Variants in ATRN observed in about 807,000 individuals in gnomAD.
ATRN encodes attractin-2.
In ATRN, 54 loss-of-function variants were observed where a neutral mutation model predicts 178.7. That is an observed-to-expected ratio of 0.30 (90% CI 0.24 to 0.38). The LOEUF is 0.38. Among genes scored for constraint, ATRN ranks in the 10% least tolerant of loss-of-function variants. The pLI is 1.00. For synonymous variants in ATRN, 636 were observed against 663.0 expected, an observed-to-expected ratio of 0.96 and a Z score of 0.63; for missense variants, 1,443 against 1,815.1, an observed-to-expected ratio of 0.79 and a Z score of 3.73.
In ATRN at chr20:3,547,690, T is replaced by C. The variant is rs115881364; in HGVS notation, c.943+201T>C. Reference sequence around the variant, plus strand: ...TGTGTGGTCATGGTCTTTAGAATTATGGAGGGTTGGCCATTTTTTGCATCC... The same window carrying C: ...TGTGTGGTCATGGTCTTTAGAATTACGGAGGGTTGGCCATTTTTTGCATCC... On this transcript the variant is annotated intron_variant, in intron 5 of 28. Transcript: ENST00000262919. Among the ~76,000 whole-genome samples, 774 of 152,286 alleles carry C rather than the reference T, an allele frequency of 5.1e-3. 4 individuals carry two copies. The highest frequency in any genetic ancestry group is 0.017 in the African/African-American group (723 of 41,554).
At chr20:3,492,873 A>ATGCG (rs1491263836) in intron 1 of ATRN, among the ~76,000 whole-genome samples, 3 of 121,790 alleles carry the variant, frequency 2.5e-5, no homozygotes, top group Non-Finnish European at 3.5e-5. Context: ...GCGCGTGCGC[A>ATGCG]CGCACACACA....
chr20:3,591,752 A>G (rs1018896746), intron 19 of ATRN, among the ~76,000 whole-genome samples: 3 of 152,162 alleles, frequency 2.0e-5, no homozygotes, highest in African/African-American at 7.2e-5. Context: ...GGACTGGGAA[A>G]GTCCTGGGTT....
chr20:3,584,932 G>A, intron 18 of ATRN, 52 bp downstream of exon 18: 1 of 1,541,554 alleles, frequency 6.5e-7, no homozygotes. Flanking sequence ...GATTTATGAA[G>A]AATAAAACCT....
intron 6 of ATRN, among the ~76,000 whole-genome samples, chr20:3,553,262 C>G (rs536716993): frequency 4.3e-4 from 65 of 151,916 alleles, no homozygotes; most frequent in African/African-American, 1.4e-3. Flanking sequence ...GTGATTTTAC[C>G]CTAACATCCT....
intron 1 of ATRN, among the ~76,000 whole-genome samples, chr20:3,532,312 G>A (rs1340976097): frequency 6.6e-6 from 1 of 152,184 alleles, no homozygotes; most frequent in Non-Finnish European, 1.5e-5. Flanking sequence ...CACACACACG[G>A]AATAAAACAA....
chr20:3,540,734 G>A (rs1001216794), intron 3 of ATRN, among the ~76,000 whole-genome samples: 1 of 152,086 alleles, frequency 6.6e-6, no homozygotes, highest in Admixed American at 6.6e-5. Context: ...CACTGCATAG[G>A]CCTTCAGGAG....
intron 28 of ATRN, 21 bp from the exon 29 acceptor site, chr20:3,646,702 T>C (rs761281315): frequency 6.3e-6 from 10 of 1,579,900 alleles, no homozygotes; most frequent in Non-Finnish European, 8.6e-6. Context: ...CAGCATATGT[T>C]CTCTCTGTGG....
chr20:3,489,608 T>A, intron 1 of ATRN: 1 of 1,473,988 alleles, frequency 6.8e-7, no homozygotes, highest in South Asian at 1.1e-5. Flanking sequence ...ATATTCTTCC[T>A]CCAGTGTCAG....
At chr20:3,600,833 A>G in intron 22 of ATRN, 113 bp from the exon 23 acceptor site, 4 of 1,011,048 alleles carry the variant, frequency 4.0e-6, no homozygotes, top group Non-Finnish European at 5.8e-6. Context: ...TTCTCTAAAG[A>G]CATCATAAAA....
chr20:3,513,120 C>T (rs1038498054), intron 1 of ATRN, among the ~76,000 whole-genome samples: 1 of 152,098 alleles, frequency 6.6e-6, no homozygotes, highest in Non-Finnish European at 1.5e-5. Flanking sequence ...TAATTAGATC[C>T]CATTTGTCAA....
chr20:3,576,679 A>ATTTG (rs1555819448), intron 13 of ATRN, among the ~76,000 whole-genome samples, 180 bp from the exon 14 acceptor site: 2 of 142,220 alleles, frequency 1.4e-5, no homozygotes, highest in African/African-American at 5.2e-5. Flanking sequence ...TTATCTATCT[A>ATTTG]TCTGTCTGTC....
In ATRN at chr20:3,646,768, C is replaced by T. The variant is rs1453364989; in HGVS notation, c.4211C>T (p.Pro1404Leu). 1.0e-5 allele frequency: 16 copies of T among 1,607,126 alleles called. No homozygotes were observed. Among genetic ancestry groups the T allele is most frequent in the African/African-American group, 2.7e-5 (2 of 74,766 alleles). The change falls in exon 29 of 29, where the codon CCG becomes CTG. Residue 1404 changes from proline (P) to leucine (L), a missense_variant. By Grantham distance (98) the Pro-to-Leu change is moderately conservative (BLOSUM62 -3). Transcript: ENST00000262919. ...CTGGTGGACATTTCTCAGCAGATGCCGATAGTGTACAAGGAGAAGTCAGGA... is the reference window on the plus strand; with the variant it reads ...CTGGTGGACATTTCTCAGCAGATGCTGATAGTGTACAAGGAGAAGTCAGGA... ...SALVDISQQM[P>L]IVYKEKSGAV...
chr20:3,471,394 C>T lies in ATRN; in HGVS notation c.287C>T (p.Ala96Val), dbSNP rs75653676. The change falls in exon 1 of 29, where the codon GCC (alanine) becomes GTC (valine). Residue 96 changes from alanine (A) to valine (V), a missense_variant. Transcript: ENST00000262919. ...GCGGCGGTGTCGGGCTCAGCCGCAG[C>T]CGAGGCCAAGGAATGTGACCGGCCC... ...AAAAVSGSAA[A>V]EAKECDRPCV... The T allele has an allele frequency of 3.2e-3, 4,776 of 1,488,470 alleles. 124 individuals carry two copies. The African/African-American group carries it at 0.057, about 18-fold the overall frequency. 92.2% of individuals were successfully genotyped at this position (1,488,470 alleles called of 1,614,324 possible).
chr20:3,582,344 T>C lies in ATRN; in HGVS notation c.2754T>C (p.Cys918=). The part of the protein sequence containing the change: ...TCINPLNGSV[C]ERPANHSAKQ... The stretch of plus-strand genomic sequence containing the variant: ...TCAACCCACTCAATGGTAGTGTCTG[T>C]GAAAGGCCTGGTAAGTTCACAGGTG... The change falls in exon 16 of 29, where the codon TGT becomes TGC. Residue 918 remains cysteine (C), a synonymous_variant. Transcript: ENST00000262919. The C allele has an allele frequency of 6.2e-7, 1 of 1,612,156 alleles. No homozygotes were observed. The highest frequency in any genetic ancestry group is 8.5e-7 in the Non-Finnish European group (1 of 1,179,968).
chr20:3,625,284 C>G (rs1310010333), intron 25 of ATRN, among the ~76,000 whole-genome samples: 1 of 152,150 alleles, frequency 6.6e-6, no homozygotes, highest in African/African-American at 2.4e-5. Context: ...TAGCATCTCC[C>G]CTCACACCAC....
chr20:3,609,700 TGTG>T (rs1305631869), intron 24 of ATRN, among the ~76,000 whole-genome samples: 4 of 142,786 alleles, frequency 2.8e-5, no homozygotes, highest in Non-Finnish European at 6.0e-5. Flanking sequence ...ATAAACAAAA[TGTG>T]GTATGTATGT....
At position 3,560,674 on chromosome 20, in the gene ATRN, A is replaced by T. The variant is rs772208463; in HGVS notation, c.1216A>T (p.Met406Leu). The change falls in exon 8 of 29, where the codon ATG becomes TTG. Residue 406 changes from methionine (M) to leucine (L), a missense_variant. By Grantham distance (15) the Met-to-Leu change is conservative. This residue lies in a region of ATRN where 862 missense variants were observed against 972.1 expected (regional missense o/e 0.89). Transcript: ENST00000262919. ...SLALYKDKIY[M>L]YGGKIDSTGN... is the part of the protein sequence containing the mutation. Reference sequence around the variant, plus strand: ...ATTTTTTTCCTAGGATAAAATTTACATGTATGGAGGAAAAATTGATTCAAC... The same window carrying T: ...ATTTTTTTCCTAGGATAAAATTTACTTGTATGGAGGAAAAATTGATTCAAC... The T allele has an allele frequency of 6.8e-6, 11 of 1,609,852 alleles. No homozygotes were observed. The highest frequency in any genetic ancestry group is 2.2e-5 in the East Asian group (1 of 44,878).
intron 1 of ATRN, among the ~76,000 whole-genome samples, chr20:3,492,892 C>T (rs1032741550): frequency 2.0e-5 from 3 of 146,740 alleles, no homozygotes; most frequent in African/African-American, 7.6e-5. Context: ...CACACACACA[C>T]ACACATAACT....
At chr20:3,644,036 A>G (rs543757164) in intron 27 of ATRN, 118 bp from the exon 28 acceptor site, 17 of 723,414 alleles carry the variant, frequency 2.3e-5, no homozygotes, top group South Asian at 2.0e-4. Context: ...AAAAACTGCA[A>G]TGTACCTTTT....
Sources: gnomAD v4.1 joint callset for allele counts (sites outside exome capture counted in the v4.1 genomes callset) on GRCh38, gnomAD v4.1.1 for gene constraint, gnomAD v4.1.1 regional missense constraint, MANE v1.5 for transcripts, NCBI Gene and HGNC (gene_info 2026-07-23, HGNC 2026-07-21) for gene names.